The following DCDC1 variants were observed in gnomAD, a reference collection of about 807,000 sequenced individuals.
The protein encoded by DCDC1 is doublecortin domain-containing protein 1.
DCDC1 carries 200 observed loss-of-function variants against 178.3 expected under a neutral mutation model. The observed-to-expected ratio is 1.12, with a 90% confidence interval of 1.00 to 1.26. The LOEUF (loss-of-function observed/expected upper bound fraction) is 1.26, where lower values mean the gene tolerates loss of function less well. Ranked by LOEUF, DCDC1 falls within the 50% of genes most tolerant of loss-of-function variation. DCDC1 has a pLI of 0.00. For synonymous variants in DCDC1, 690 were observed against 604.8 expected, an observed-to-expected ratio of 1.14 and a Z score of -2.07; for missense variants, 1,983 against 1,749.2, an observed-to-expected ratio of 1.13 and a Z score of -2.38.
chr11:31,018,198 G>A (rs1268906860), intron 20 of DCDC1, among the ~76,000 whole-genome samples: 2 of 152,066 alleles, frequency 1.3e-5, no homozygotes, highest in African/African-American at 4.8e-5. Context: ...TTAATATTAG[G>A]TTAACAAATG....
intron 17 of DCDC1, among the ~76,000 whole-genome samples, chr11:31,078,133 C>T (rs529670777): frequency 1.3e-5 from 2 of 152,120 alleles, no homozygotes; most frequent in Admixed American, 6.5e-5. Context: ...GTACCCTAAG[C>T]GGGGTAAGTA....
At chr11:31,345,188 G>C (rs1449397876) in intron 1 of DCDC1, among the ~76,000 whole-genome samples, 1 of 152,030 alleles carries the variant, frequency 6.6e-6, no homozygotes, top group Non-Finnish European at 1.5e-5. Context: ...GGTTATTGCA[G>C]ATAACAACAT....
At chr11:30,865,781 T>C (rs1940925006) in intron 38 of DCDC1, among the ~76,000 whole-genome samples, 1 of 152,054 alleles carries the variant, frequency 6.6e-6, no homozygotes. Context: ...TTTCCATTAA[T>C]ATCAGACATC....
chr11:30,988,662 T>C (rs1394972985), intron 20 of DCDC1, among the ~76,000 whole-genome samples: 3 of 152,160 alleles, frequency 2.0e-5, no homozygotes, highest in Non-Finnish European at 4.4e-5. Flanking sequence ...GGAAGAAGAA[T>C]TGTCTTGAGC....
At chr11:31,191,848 T>C (rs1970171042) in intron 9 of DCDC1, among the ~76,000 whole-genome samples, 5 of 152,034 alleles carry the variant, frequency 3.3e-5, no homozygotes, top group Admixed American at 3.3e-4. Flanking sequence ...TTCCTTTATC[T>C]ATCATGCCTC....
intron 9 of DCDC1, among the ~76,000 whole-genome samples, chr11:31,149,391 T>C (rs1422745239): frequency 1.3e-5 from 2 of 151,804 alleles, no homozygotes; most frequent in South Asian, 4.2e-4. Context: ...ATAAAATGGA[T>C]CAATCAGCAC....
intron 23 of DCDC1, among the ~76,000 whole-genome samples, chr11:30,923,401 CTTTTT>C (rs10637054): frequency 7.7e-6 from 1 of 130,596 alleles, no homozygotes; most frequent in Non-Finnish European, 1.6e-5. Context: ...TCCTCTTCTC[CTTTTT>C]TTTTTTTTTT....
chr11:30,965,267 G>A (rs935980332), intron 20 of DCDC1, among the ~76,000 whole-genome samples: 9 of 152,160 alleles, frequency 5.9e-5, no homozygotes, highest in African/African-American at 1.9e-4. Flanking sequence ...TCTGACATGA[G>A]TGAGAGTCAC....
intron 9 of DCDC1, among the ~76,000 whole-genome samples, chr11:31,203,582 G>C (rs915150989): frequency 3.9e-5 from 6 of 152,156 alleles, no homozygotes; most frequent in African/African-American, 1.4e-4. Flanking sequence ...TTGATGTTGA[G>C]GTGTAGGATG....
chr11:31,331,650 C>G (rs567205998), intron 2 of DCDC1, among the ~76,000 whole-genome samples: 24 of 152,064 alleles, frequency 1.6e-4, no homozygotes, highest in Non-Finnish European at 3.1e-4. Flanking sequence ...TGGTTTTTGT[C>G]TTTGGTTCTG....
intron 9 of DCDC1, among the ~76,000 whole-genome samples, chr11:31,140,277 A>G (rs1226953720): frequency 6.6e-6 from 1 of 152,254 alleles, no homozygotes; most frequent in Non-Finnish European, 1.5e-5. Flanking sequence ...TAAGAAGGGT[A>G]GAGATTTCAA....
chr11:31,332,625 T>G (rs528737966), intron 2 of DCDC1, among the ~76,000 whole-genome samples: 1 of 152,350 alleles, frequency 6.6e-6, no homozygotes, highest in Non-Finnish European at 1.5e-5. Context: ...TCTGCCTTCA[T>G]TTCATTATTT....
intron 9 of DCDC1, among the ~76,000 whole-genome samples, chr11:31,191,436 G>C (rs751415459): frequency 3.4e-4 from 51 of 152,052 alleles, no homozygotes; most frequent in Non-Finnish European, 6.2e-4. Context: ...AAACCTTGCA[G>C]CAAATATTAT....
At chr11:30,938,544 T>A (rs1336448393) in intron 21 of DCDC1, among the ~76,000 whole-genome samples, 1 of 152,114 alleles carries the variant, frequency 6.6e-6, no homozygotes, top group African/African-American at 2.4e-5. Flanking sequence ...TTATCCCTTT[T>A]TTCCTTTCTT....
chr11:31,088,250 T>C (rs920538206), intron 17 of DCDC1, among the ~76,000 whole-genome samples: 4 of 152,114 alleles, frequency 2.6e-5, no homozygotes, highest in African/African-American at 9.6e-5. Flanking sequence ...GGATGTTGTT[T>C]TTTATCTAAT....
At chr11:31,036,420 T>C (rs1489844304) in intron 20 of DCDC1, among the ~76,000 whole-genome samples, 1 of 152,184 alleles carries the variant, frequency 6.6e-6, no homozygotes, top group Non-Finnish European at 1.5e-5. Context: ...CAGTATCATT[T>C]TGAAAAAGTC....
rs565402932 is a variant in DCDC1, at chr11:31,109,409, T to G, written c.1587+851A>C. On this transcript the variant is annotated intron_variant, in intron 12 of 38. Transcript: ENST00000684477. ...AAGGCCTTTGTGTCATGGTGATTTG[T>G]GTAATCAGTTATGTTATGGTAAAAA... Among the ~76,000 whole-genome samples, 4 of 152,254 alleles carry G rather than the reference T, an allele frequency of 2.6e-5. No individual in the cohort carries two copies. The East Asian group carries it at 7.7e-4, about 29-fold the overall frequency.
At chr11:31,043,607 C>T (rs1006912725) in intron 20 of DCDC1, among the ~76,000 whole-genome samples, 1 of 151,784 alleles carries the variant, frequency 6.6e-6, no homozygotes. Context: ...GTTGTGTTCT[C>T]GAATTCCTGA....
intron 21 of DCDC1, among the ~76,000 whole-genome samples, chr11:30,949,974 G>A (rs1948315850): frequency 6.6e-6 from 1 of 152,064 alleles, no homozygotes; most frequent in Non-Finnish European, 1.5e-5. Context: ...TGCACGTTGT[G>A]TACCTGTACC....
Sources: gnomAD v4.1 joint callset for allele counts (sites outside exome capture counted in the v4.1 genomes callset) on GRCh38, gnomAD v4.1.1 for gene constraint, MANE v1.5 for transcripts, NCBI Gene and HGNC (gene_info 2026-07-23, HGNC 2026-07-21) for gene names.